CLMP: variants seen among roughly 807,000 people sequenced by gnomAD.
The protein encoded by CLMP is CXADR-like membrane protein.
A neutral mutation model predicts 45.2 loss-of-function variants in CLMP; 27 were observed. The observed-to-expected ratio is 0.60, with a 90% CI of 0.44 to 0.82. The LOEUF (loss-of-function observed/expected upper bound fraction) is 0.82, where lower values mean the gene tolerates loss of function less well. CLMP is among the 40% of genes least tolerant of loss of function. The probability of loss-of-function intolerance (pLI) is 0.00; values close to 1 mark genes in which losing one functional copy is unlikely to be tolerated. For synonymous variants in CLMP, 167 were observed against 171.4 expected (o/e 0.97, Z 0.20); for missense variants, 403 against 448.4 (o/e 0.90, Z 0.91).
intron 2 of CLMP, among the ~76,000 whole-genome samples, chr11:123,085,630 C>T (rs1479887623): frequency 1.3e-5 from 2 of 149,694 alleles, no homozygotes; most frequent in East Asian, 3.9e-4. Context: ...TACAGTACTC[C>T]TGCACAATTT....
chr11:123,092,113 A>T (rs934582706), intron 2 of CLMP, among the ~76,000 whole-genome samples: 1 of 152,084 alleles, frequency 6.6e-6, no homozygotes, highest in Non-Finnish European at 1.5e-5. Flanking sequence ...CTCAAGGACC[A>T]CTTTCTGTAT....
chr11:123,137,147 C>CTTTTTTTTTT (rs375816483), intron 1 of CLMP, among the ~76,000 whole-genome samples: 5 of 82,456 alleles, frequency 6.1e-5, no homozygotes, highest in Non-Finnish European at 8.7e-5. Context: ...TTTTCTTTTT[C>CTTTTTTTTTT]TTTTTTTTTT....
In CLMP at chr11:123,072,348, A is replaced by T. The variant is rs1322049835; in HGVS notation, c.*1126T>A. On this transcript the variant is annotated 3_prime_UTR_variant, in exon 7 of 7. Coordinates refer to ENST00000448775, the MANE Select transcript of CLMP (RefSeq NM_024769.5). Reference sequence around the variant, plus strand: ...TTTTGAGATGGAGTCTTGCTTTGTCACCCAGGCTGGAGTGCAATGGCATAA... The same window carrying T: ...TTTTGAGATGGAGTCTTGCTTTGTCTCCCAGGCTGGAGTGCAATGGCATAA... The T allele has an allele frequency of 6.7e-6, 1 of 148,536 alleles. No homozygotes were observed. 9.2% of individuals were successfully genotyped at this position (148,536 alleles called of 1,614,324 possible).
chr11:123,136,406 C>T (rs767591871), intron 1 of CLMP: 64 of 480,594 alleles, frequency 1.3e-4, no homozygotes, highest in Non-Finnish European at 2.3e-4. Flanking sequence ...GTGGCCAGTT[C>T]TAGGGTGGTC....
intron 1 of CLMP, among the ~76,000 whole-genome samples, chr11:123,120,113 G>A (rs997426919): frequency 2.0e-5 from 3 of 152,100 alleles, no homozygotes; most frequent in Admixed American, 2.0e-4. Context: ...GTCAGGAAAT[G>A]TTGTTGTACT....
intron 1 of CLMP, among the ~76,000 whole-genome samples, chr11:123,110,909 G>C (rs530454563): frequency 6.6e-6 from 1 of 152,324 alleles, no homozygotes; most frequent in East Asian, 1.9e-4. Flanking sequence ...TCATTCAAAT[G>C]AGAGTGTGTG....
intron 1 of CLMP, among the ~76,000 whole-genome samples, chr11:123,150,775 G>T (rs192782456): frequency 6.6e-6 from 1 of 152,166 alleles, no homozygotes. Context: ...GGAGTGCAGG[G>T]GCACGATCTC....
chr11:123,146,959 T>C (rs1251775948), intron 1 of CLMP, among the ~76,000 whole-genome samples: 21 of 152,214 alleles, frequency 1.4e-4, no homozygotes, highest in Non-Finnish European at 8.8e-5. Context: ...CTTCCTTTGC[T>C]TCACATTCAG....
intron 1 of CLMP, among the ~76,000 whole-genome samples, chr11:123,128,089 A>C (rs1424125944): frequency 4.0e-5 from 6 of 151,894 alleles, no homozygotes; most frequent in Non-Finnish European, 8.8e-5. Context: ...TTATCCTCAG[A>C]ATATAAGGTT....
chr11:123,117,186 A>G (rs1033474083), intron 1 of CLMP, among the ~76,000 whole-genome samples: 17 of 152,102 alleles, frequency 1.1e-4, no homozygotes, highest in African/African-American at 3.4e-4. Context: ...GAAAATTGTA[A>G]AATGCATATA....
intron 1 of CLMP, among the ~76,000 whole-genome samples, chr11:123,179,167 G>A (rs1861736010): frequency 6.6e-6 from 1 of 152,120 alleles, no homozygotes; most frequent in Admixed American, 6.5e-5. Flanking sequence ...ACTAATATTT[G>A]TTACCTCGGT....
In CLMP at chr11:123,179,803, C is replaced by T. The variant is rs61528518; in HGVS notation, c.28+15110G>A. On this transcript the variant is annotated intron_variant, in intron 1 of 6. Coordinates refer to ENST00000448775, the MANE Select transcript of CLMP (RefSeq NM_024769.5). Reference sequence around the variant, plus strand: ...CCAGGCCCCTTGGCTGGAGTCCCAACTCTGCCACCAACTAGCTTTATAGTT... The same window carrying T: ...CCAGGCCCCTTGGCTGGAGTCCCAATTCTGCCACCAACTAGCTTTATAGTT... 9.5e-3 allele frequency among the ~76,000 whole-genome samples: 1,441 copies of T among 152,318 alleles called. 25 individuals are homozygous for T. Among genetic ancestry groups the T allele is most frequent in the African/African-American group, 0.033 (1,372 of 41,566 alleles).
intron 1 of CLMP, among the ~76,000 whole-genome samples, chr11:123,145,497 C>G (rs997577719): frequency 1.4e-5 from 2 of 145,478 alleles, no homozygotes; most frequent in Admixed American, 1.5e-4. Flanking sequence ...GAGTCTTGCC[C>G]TGTTGCCCAA....
chr11:123,084,637 T>C lies in CLMP; in HGVS notation c.263A>G (p.Asn88Ser), dbSNP rs1193871135. 6.2e-7 allele frequency: 1 copy of C among 1,614,078 alleles called. No homozygotes were observed. The highest frequency in any genetic ancestry group is 8.5e-7 in the Non-Finnish European group (1 of 1,180,048). The stretch of plus-strand genomic sequence containing the variant: ...CAAGGAGGCATCTCCTGCCAGGAAA[T>C]TGGAAGCAAAGGCCACTCGGCCCTT... ...EQKGRVAFAS[N>S]FLAGDASLQI... The change falls in exon 3 of 7, where the codon AAT (asparagine) becomes AGT (serine). Residue 88 changes from asparagine to serine, a missense_variant. Physicochemically the swap from Asn to Ser is conservative, Grantham distance 46. Transcript: ENST00000448775.
chr11:123,183,067 G>A (rs1443649671), intron 1 of CLMP, among the ~76,000 whole-genome samples: 1 of 152,192 alleles, frequency 6.6e-6, no homozygotes, highest in Non-Finnish European at 1.5e-5. Context: ...TCTGTCAAAT[G>A]TGCCTTCAGT....
chr11:123,195,139 CA>C lies in CLMP; in HGVS notation c.-200del, dbSNP rs1320986780. 50 of 313,124 alleles carry C rather than the reference CA, an allele frequency of 1.6e-4. No homozygotes were observed. The highest frequency in any genetic ancestry group is 2.4e-4 in the Non-Finnish European group (42 of 175,186). The allele number at this position is 313,124 out of a possible 1,614,324, so 19.4% of individuals were successfully genotyped here. A position where few individuals can be genotyped will look rare whatever the true frequency, so the allele number is the denominator to read the frequency against. ...GATGGGCTCCCGGCGCTCGCCCCAC[CA>C]GCTGGCGCCCGGACGGGAGCCGGGA... On this transcript the variant is annotated 5_prime_UTR_variant, in exon 1 of 7. Coordinates refer to ENST00000448775, the MANE Select transcript of CLMP (RefSeq NM_024769.5).
chr11:123,106,491 A>C (rs183960155), intron 1 of CLMP, among the ~76,000 whole-genome samples: 1 of 152,078 alleles, frequency 6.6e-6, no homozygotes, highest in Admixed American at 6.6e-5. Flanking sequence ...AGTTCAAGAC[A>C]CAGCATGATG....
chr11:123,174,929 G>C (rs1251506235), intron 1 of CLMP, among the ~76,000 whole-genome samples: 3 of 152,102 alleles, frequency 2.0e-5, no homozygotes, highest in East Asian at 1.9e-4. Context: ...GAGGGGAAAG[G>C]GGCTCTCTAT....
intron 2 of CLMP, among the ~76,000 whole-genome samples, chr11:123,086,435 T>G (rs1286533516): frequency 6.6e-6 from 1 of 152,138 alleles, no homozygotes; most frequent in Non-Finnish European, 1.5e-5. Flanking sequence ...CATATGGGCA[T>G]CTCCCAGGCA....
Sources: allele counts gnomAD v4.1 joint callset (sites outside exome capture counted in the v4.1 genomes callset), GRCh38; gene constraint gnomAD v4.1.1; transcripts MANE v1.5; gene names NCBI Gene and HGNC (gene_info 2026-07-23, HGNC 2026-07-21).